Variants in RNF152 observed in about 807,000 individuals in gnomAD.
The protein encoded by RNF152 is ring finger protein 152.
In RNF152, 11 loss-of-function variants were observed where a neutral mutation model predicts 12.7. The ratio of observed to expected loss-of-function variants is 0.86; its 90% CI spans 0.54 to 1.43. RNF152 has a LOEUF of 1.43. RNF152 is among the 40% of genes most tolerant of loss of function. The pLI is 0.00. For missense variants in RNF152, 255 were observed against 274.8 expected, an observed-to-expected ratio of 0.93 and a Z score of 0.51; for synonymous variants, 113 against 120.3, an observed-to-expected ratio of 0.94 and a Z score of 0.40.
At chr18:61,892,256 A>G (rs1226587920) in intron 1 of RNF152, among the ~76,000 whole-genome samples, 1 of 151,846 alleles carries the variant, frequency 6.6e-6, no homozygotes, top group Non-Finnish European at 1.5e-5. Context: ...CCTCCCTTCC[A>G]CCTCCCAGTA....
chr18:61,858,527 T>C (rs1186819924), intron 1 of RNF152, among the ~76,000 whole-genome samples: 1 of 152,094 alleles, frequency 6.6e-6, no homozygotes, highest in Admixed American at 6.5e-5. Flanking sequence ...AGACTTCACA[T>C]TCCAACCTAT....
At position 61,841,104 on chromosome 18, in the gene RNF152, C is replaced by T. The variant is rs77760802; in HGVS notation, c.-135-24506G>A. On this transcript the variant is annotated intron_variant, in intron 1 of 1. Coordinates refer to ENST00000312828, the MANE Select transcript of RNF152 (RefSeq NM_173557.3). The stretch of plus-strand genomic sequence containing the variant: ...GTTCATGGGGAAGCTGATCAGAAGT[C>T]AGGCTCGGTCCATTTCAGATTTCAT... 5.4e-3 allele frequency among the ~76,000 whole-genome samples: 828 copies of T among 152,340 alleles called. 9 individuals carry two copies. Among genetic ancestry groups the T allele is most frequent in the African/African-American group, 0.019 (795 of 41,580 alleles).
At chr18:61,830,025 C>CTTTT (rs552091117) in intron 1 of RNF152, among the ~76,000 whole-genome samples, 5 of 143,312 alleles carry the variant, frequency 3.5e-5, no homozygotes, top group Admixed American at 7.0e-5. Context: ...CAGAGAGCTT[C>CTTTT]TTTTTTTTTT....
chr18:61,829,151 C>T (rs892983630), intron 1 of RNF152, among the ~76,000 whole-genome samples: 1 of 152,150 alleles, frequency 6.6e-6, no homozygotes, highest in Non-Finnish European at 1.5e-5. Flanking sequence ...TGCATTCATA[C>T]ATGTTGAGCA....
At chr18:61,869,405 T>C (rs1911884761) in intron 1 of RNF152, among the ~76,000 whole-genome samples, 1 of 152,140 alleles carries the variant, frequency 6.6e-6, no homozygotes, top group African/African-American at 2.4e-5. Flanking sequence ...CATGGAGGTA[T>C]TGTCTCCTGC....
rs1173572035 is a variant in RNF152, at chr18:61,817,226, A to AC, written c.-135-629dup. Among the ~76,000 whole-genome samples the AC allele has an allele frequency of 3.3e-5, 5 of 152,208 alleles. No individual in the cohort carries two copies. The East Asian group carries it at 9.6e-4, about 29-fold the overall frequency. On this transcript the variant is annotated intron_variant, in intron 1 of 1. Transcript: ENST00000312828. The stretch of plus-strand genomic sequence containing the variant: ...TCATTTGAAGAGAACAAAACAAAAA[A>AC]CCCCAAACAGCAACAAAACCAAAAG...
At chr18:61,851,481 G>A (rs1229153326) in intron 1 of RNF152, among the ~76,000 whole-genome samples, 1 of 152,130 alleles carries the variant, frequency 6.6e-6, no homozygotes, top group Non-Finnish European at 1.5e-5. Context: ...ACTGTGCCCA[G>A]TTTTCTCCGT....
chr18:61,837,674 G>A (rs1910251915), intron 1 of RNF152, among the ~76,000 whole-genome samples: 1 of 152,088 alleles, frequency 6.6e-6, no homozygotes, highest in African/African-American at 2.4e-5. Context: ...ATACTTGATA[G>A]AAGAAAGCCT....
intron 1 of RNF152, among the ~76,000 whole-genome samples, chr18:61,838,842 C>T (rs1910306875): frequency 6.6e-6 from 1 of 152,144 alleles, no homozygotes; most frequent in Admixed American, 6.5e-5. Context: ...CTCCTTTTGT[C>T]AGCTGATGCT....
intron 1 of RNF152, among the ~76,000 whole-genome samples, chr18:61,829,479 GGA>G (rs1909828812): frequency 6.6e-6 from 1 of 151,390 alleles, no homozygotes; most frequent in Non-Finnish European, 1.5e-5. Flanking sequence ...CAAGGCCCAG[GGA>G]GAGAGGAGAG....
chr18:61,861,259 TAA>T (rs909944884), intron 1 of RNF152, among the ~76,000 whole-genome samples: 2 of 152,374 alleles, frequency 1.3e-5, no homozygotes, highest in Admixed American at 6.5e-5. Flanking sequence ...CCATTCATGC[TAA>T]GTGTCCTATA....
At chr18:61,859,878 G>GA (rs1473888330) in intron 1 of RNF152, among the ~76,000 whole-genome samples, 1 of 138,606 alleles carries the variant, frequency 7.2e-6, no homozygotes, top group Non-Finnish European at 1.5e-5. Context: ...CCACCTCAAA[G>GA]AAAAAAGAAA....
intron 1 of RNF152, among the ~76,000 whole-genome samples, chr18:61,821,296 C>T (rs1909394326): frequency 6.6e-6 from 1 of 152,164 alleles, no homozygotes; most frequent in African/African-American, 2.4e-5. Flanking sequence ...CAACTCTATC[C>T]AAGTAAGTTC....
At chr18:61,828,840 G>A (rs1217031147) in intron 1 of RNF152, among the ~76,000 whole-genome samples, 1 of 152,176 alleles carries the variant, frequency 6.6e-6, no homozygotes, top group Non-Finnish European at 1.5e-5. Context: ...TCCTGCTAAG[G>A]CCGGTGGGGA....
At chr18:61,821,701 AG>A (rs1197568630) in intron 1 of RNF152, among the ~76,000 whole-genome samples, 6 of 152,198 alleles carry the variant, frequency 3.9e-5, no homozygotes, top group African/African-American at 1.4e-4. Flanking sequence ...CAGGCTACAT[AG>A]CAGAAGGTCA....
intron 1 of RNF152, among the ~76,000 whole-genome samples, chr18:61,855,343 T>C (rs1911173365): frequency 6.6e-6 from 1 of 152,230 alleles, no homozygotes; most frequent in Non-Finnish European, 1.5e-5. Flanking sequence ...GATATCATAG[T>C]GATGGCAGAA....
At chr18:61,825,457 G>A (rs543842791) in intron 1 of RNF152, among the ~76,000 whole-genome samples, 4 of 152,222 alleles carry the variant, frequency 2.6e-5, no homozygotes, top group Non-Finnish European at 5.9e-5. Context: ...CAGAGATACT[G>A]GAGAGAGAAG....
intron 1 of RNF152, among the ~76,000 whole-genome samples, chr18:61,886,338 T>C (rs1300598216): frequency 6.6e-6 from 1 of 152,230 alleles, no homozygotes; most frequent in African/African-American, 2.4e-5. Flanking sequence ...CCTTCCTGTG[T>C]ACAAACACGG....
At chr18:61,820,426 C>T (rs972741783) in intron 1 of RNF152, among the ~76,000 whole-genome samples, 2 of 105,244 alleles carry the variant, frequency 1.9e-5, no homozygotes, top group African/African-American at 7.2e-5. Context: ...TAAAACAAAA[C>T]AAAATACAGG....
Sources: allele counts gnomAD v4.1 joint callset (sites outside exome capture counted in the v4.1 genomes callset), GRCh38; gene constraint gnomAD v4.1.1; transcripts MANE v1.5; gene names NCBI Gene and HGNC (gene_info 2026-07-23, HGNC 2026-07-21).